The following ABCC12 variants were observed in gnomAD, a reference collection of about 807,000 sequenced individuals.
ABCC12 encodes the protein ATP-binding cassette sub-family C member 12.
In ABCC12, 142 loss-of-function variants were observed where a neutral mutation model predicts 151.1. The observed-to-expected ratio is 0.94, with a 90% CI of 0.82 to 1.08. The LOEUF (loss-of-function observed/expected upper bound fraction) is 1.08, where lower values mean the gene tolerates loss of function less well. ABCC12 is among the 50% of genes least tolerant of loss of function. The pLI is 0.00. For synonymous variants in ABCC12, 645 were observed against 646.4 expected (o/e 1.00, Z 0.03); for missense variants, 1,638 against 1,691.1 (o/e 0.97, Z 0.55).
intron 14 of ABCC12, among the ~76,000 whole-genome samples, chr16:48,116,335 A>G (rs1173173111): frequency 6.6e-6 from 1 of 152,194 alleles, no homozygotes; most frequent in African/African-American, 2.4e-5. Context: ...CACGGTGGGC[A>G]GGGTAGTTAT....
chr16:48,117,319 A>C lies in ABCC12; in HGVS notation c.1727T>G (p.Val576Gly). 6.2e-7 allele frequency: 1 copy of C among 1,613,782 alleles called. No homozygotes were observed. The highest frequency in any genetic ancestry group is 8.5e-7 in the Non-Finnish European group (1 of 1,179,910). Residue 576 changes from valine to glycine, a missense_variant, in exon 14 of 31, where the codon GTC becomes GGC. Val to Gly is a moderately radical substitution (Grantham distance 109). Transcript: ENST00000311303. ...KYDHQRYQHT[V>G]RVCGLQKDLS... ...GTCCTTCTGGAGGCCACAGACGCGGACTGTGTGCTGATACCTGTTGGTGCA... is the reference window on the plus strand; with the variant it reads ...GTCCTTCTGGAGGCCACAGACGCGGCCTGTGTGCTGATACCTGTTGGTGCA...
intron 8 of ABCC12, 149 bp from the exon 9 acceptor site, chr16:48,133,984 C>A: frequency 1.1e-6 from 1 of 941,428 alleles, no homozygotes; most frequent in East Asian, 2.7e-5. Context: ...CAGAAAGCCC[C>A]GGGCACAAAC....
chr16:48,110,356 T>C lies in ABCC12; in HGVS notation c.2281+1080A>G, dbSNP rs1346967573. 8.5e-5 allele frequency among the ~76,000 whole-genome samples: 13 copies of C among 152,194 alleles called. 1 individual carries two copies. The highest frequency in any genetic ancestry group is 8.5e-4 in the Admixed American group (13 of 15,284). ...AGTGGTAGGTAAAATGGTGGTAGCC[T>C]TTAAAAATGGATGGCATCTTAAATT... On this transcript the variant is annotated intron_variant, in intron 18 of 30. Coordinates refer to ENST00000311303, the MANE Select transcript of ABCC12 (RefSeq NM_001393797.1).
At chr16:48,121,944 T>C in intron 12 of ABCC12, 104 bp from the exon 13 acceptor site, 1 of 1,530,228 alleles carries the variant, frequency 6.5e-7, no homozygotes, top group Non-Finnish European at 8.8e-7. Flanking sequence ...GCATTGGTTA[T>C]GAAGGCACAA....
chr16:48,091,052 G>C, intron 25 of ABCC12, 68 bp downstream of exon 25: 1 of 1,459,380 alleles, frequency 6.9e-7, no homozygotes, highest in Non-Finnish European at 9.6e-7. Context: ...CATCTAAAAA[G>C]ATCCAGTATT....
At chr16:48,148,082 G>A (rs1250732764) in intron 2 of ABCC12, among the ~76,000 whole-genome samples, 1 of 152,130 alleles carries the variant, frequency 6.6e-6, no homozygotes, top group Non-Finnish European at 1.5e-5. Context: ...TGAGTAGCCG[G>A]GACTAGAGGT....
At position 48,088,553 on chromosome 16, in the gene ABCC12, GT is replaced by G; in HGVS notation, c.3466del (p.Thr1156GlnfsTer8). On this transcript the variant is annotated frameshift_variant, in exon 26 of 31. Transcript: ENST00000311303. LOFTEE classifies it high-confidence loss of function. ...SGQTVGIVGR[T>X]GSGKSSLGMA... ...GCAGAGCTTGTCCTCACCGGAACCT[GT>G]TCTTCCAACAATCCCGACTGTCTGC... 1.2e-6 allele frequency: 2 copies of G among 1,613,690 alleles called. No homozygotes were observed. Among genetic ancestry groups the G allele is most frequent in the Non-Finnish European group, 1.7e-6 (2 of 1,179,812 alleles).
At chr16:48,102,627 C>G (rs1372786127) in intron 22 of ABCC12, among the ~76,000 whole-genome samples, 1 of 152,146 alleles carries the variant, frequency 6.6e-6, no homozygotes, top group African/African-American at 2.4e-5. Flanking sequence ...GTGTCAGCTC[C>G]CAGAGCCACA....
rs1962398754 is a variant in ABCC12 at position 48,082,802 on chromosome 16, G to A, written c.*913C>T. Among the ~76,000 whole-genome samples, 1 of 152,198 alleles carries A rather than the reference G, an allele frequency of 6.6e-6. No homozygotes were observed. The highest frequency in any genetic ancestry group is 2.4e-5 in the African/African-American group (1 of 41,436). On this transcript the variant is annotated 3_prime_UTR_variant, in exon 31 of 31. Coordinates refer to ENST00000311303, the MANE Select transcript of ABCC12 (RefSeq NM_001393797.1). ...GCGGCTACTACACAAGAGCTTGCTGGATTTTCTATAAATATTTTTTTCCCA... is the reference window on the plus strand; with the variant it reads ...GCGGCTACTACACAAGAGCTTGCTGAATTTTCTATAAATATTTTTTTCCCA...
rs1596634474 is a variant in ABCC12 at position 48,154,007 on chromosome 16, T to G, written c.-319-123A>C. 3.9e-5 allele frequency: 6 copies of G among 152,474 alleles called. 1 individual carries two copies. Among genetic ancestry groups the G allele is most frequent in the Admixed American group, 3.9e-4 (6 of 15,298 alleles). The allele number at this position is 152,474 out of a possible 1,614,324, so 9.4% of individuals were successfully genotyped here. A position where few individuals can be genotyped will look rare whatever the true frequency, so the allele number is the denominator to read the frequency against. ...AGCTGCCTGGGGTGAGAAATCTGTT[T>G]GCTGGCAATCACAGGATGGGGTCTG... is the stretch of plus-strand genomic sequence containing the variant. On this transcript the variant is annotated intron_variant, in intron 1 of 30. Coordinates refer to ENST00000311303, the MANE Select transcript of ABCC12 (RefSeq NM_001393797.1).
intron 22 of ABCC12, among the ~76,000 whole-genome samples, chr16:48,101,428 C>T (rs1239833585): frequency 2.0e-5 from 3 of 152,108 alleles, no homozygotes; most frequent in Non-Finnish European, 2.9e-5. Flanking sequence ...ATGTGGCCTT[C>T]TAAAGGCATT....
At chr16:48,110,547 G>T (rs1413799669) in intron 18 of ABCC12, among the ~76,000 whole-genome samples, 2 of 152,164 alleles carry the variant, frequency 1.3e-5, no homozygotes, top group Admixed American at 6.5e-5. Context: ...TGGAGTGAAT[G>T]AAGGCAGGGT....
intron 1 of ABCC12, among the ~76,000 whole-genome samples, chr16:48,155,238 A>T (rs1965169014): frequency 6.6e-6 from 1 of 152,332 alleles, no homozygotes; most frequent in African/African-American, 2.4e-5. Context: ...GGCCTAAAAC[A>T]GTGGCCAGTG....
At chr16:48,133,527 GAA>G (rs1179745750) in intron 9 of ABCC12, among the ~76,000 whole-genome samples, 158 bp downstream of exon 9, 7 of 109,594 alleles carry the variant, frequency 6.4e-5, no homozygotes, top group African/African-American at 1.3e-4. Context: ...CCCTGTCTCA[GAA>G]AAAAAAAAAA....
At chr16:48,141,458 T>A in intron 4 of ABCC12, 105 bp from the exon 5 acceptor site, 1 of 1,446,396 alleles carries the variant, frequency 6.9e-7, no homozygotes, top group Non-Finnish European at 9.4e-7. Context: ...AGAGCCCCCC[T>A]CCCTGGCAGT....
intron 9 of ABCC12, among the ~76,000 whole-genome samples, chr16:48,133,425 C>T (rs1199318089): frequency 6.6e-6 from 1 of 151,718 alleles, no homozygotes; most frequent in Admixed American, 6.6e-5. Flanking sequence ...ACTCAGGAGG[C>T]TGTGGCAGAA....
At chr16:48,098,166 G>A (rs1963173788) in intron 23 of ABCC12, among the ~76,000 whole-genome samples, 2 of 151,390 alleles carry the variant, frequency 1.3e-5, no homozygotes, top group South Asian at 4.2e-4. Context: ...CCAAGCCTCT[G>A]GGGGAAAGAG....
At chr16:48,144,661 C>T (rs1964939298) in intron 3 of ABCC12, among the ~76,000 whole-genome samples, 1 of 152,096 alleles carries the variant, frequency 6.6e-6, no homozygotes, top group Non-Finnish European at 1.5e-5. Flanking sequence ...TTTGCCTTTT[C>T]CTCCTTCCCT....
chr16:48,097,038 C>T (rs1963124552), intron 23 of ABCC12, 136 bp from the exon 24 acceptor site: 1 of 980,182 alleles, frequency 1.0e-6, no homozygotes, highest in Non-Finnish European at 1.6e-6. Flanking sequence ...CAAGGGAACA[C>T]ACTCTCACAT....
Sources: gnomAD v4.1 joint callset for allele counts (sites outside exome capture counted in the v4.1 genomes callset) on GRCh38, gnomAD v4.1.1 for gene constraint, MANE v1.5 for transcripts, NCBI Gene and HGNC (gene_info 2026-07-23, HGNC 2026-07-21) for gene names.